RNF13: variants seen among roughly 807,000 people sequenced by gnomAD.
RNF13 encodes ring finger protein 13.
Under a neutral mutation model 37.7 loss-of-function variants are expected in RNF13, and 19 were observed. The observed-to-expected ratio is 0.50, with a 90% CI of 0.35 to 0.74. The LOEUF (loss-of-function observed/expected upper bound fraction) is 0.74, where lower values mean the gene tolerates loss of function less well. RNF13 is among the 30% of genes least tolerant of loss of function. RNF13 has a pLI of 0.01. For missense variants in RNF13, 375 were observed against 453.0 expected (o/e 0.83, Z 1.56); for synonymous variants, 144 against 157.8 (o/e 0.91, Z 0.65).
In RNF13 at chr3:149,827,599, G is replaced by T. The variant is rs189677131; in HGVS notation, c.-17+14246G>T. ...CCATAAAATAAAGATTCCTGTCTTT[G>T]AGGAGCATATGTTTTTGTGGCAAAG... On this transcript the variant is annotated intron_variant, in intron 1 of 9. Transcript: ENST00000392894. 1.5e-3 allele frequency among the ~76,000 whole-genome samples: 233 copies of T among 152,204 alleles called. 1 individual carries two copies. The highest frequency in any genetic ancestry group is 5.3e-3 in the African/African-American group (221 of 41,516).
At chr3:149,919,970 T>G (rs959279596) in intron 7 of RNF13, among the ~76,000 whole-genome samples, 1 of 152,214 alleles carries the variant, frequency 6.6e-6, no homozygotes, top group African/African-American at 2.4e-5. Flanking sequence ...TATTTATGAT[T>G]TGAATTTTTG....
chr3:149,884,307 A>G (rs1370468008), intron 4 of RNF13, among the ~76,000 whole-genome samples: 1 of 151,560 alleles, frequency 6.6e-6, no homozygotes, highest in Non-Finnish European at 1.5e-5. Context: ...GTTGATGAAG[A>G]GTTGCCTTTA....
intron 6 of RNF13, among the ~76,000 whole-genome samples, chr3:149,905,515 T>C (rs1037171152): frequency 6.6e-6 from 1 of 151,994 alleles, no homozygotes; most frequent in Non-Finnish European, 1.5e-5. Flanking sequence ...CTTTTTTTTG[T>C]ATTTTGAAAT....
intron 1 of RNF13, among the ~76,000 whole-genome samples, chr3:149,815,532 G>A (rs1169666736): frequency 6.6e-6 from 1 of 152,168 alleles, no homozygotes; most frequent in Non-Finnish European, 1.5e-5. Context: ...GACATAAAAA[G>A]GGGAAGAAAG....
chr3:149,843,464 C>T (rs766189687), intron 1 of RNF13, among the ~76,000 whole-genome samples: 5 of 152,114 alleles, frequency 3.3e-5, no homozygotes, highest in East Asian at 1.9e-4. Context: ...GAATTAGTTT[C>T]GTAAATAGAG....
intron 8 of RNF13, among the ~76,000 whole-genome samples, chr3:149,924,567 C>A (rs1047057636): frequency 6.6e-6 from 1 of 152,120 alleles, no homozygotes; most frequent in African/African-American, 2.4e-5. Flanking sequence ...GGAATGATAA[C>A]CTGTGTCAGT....
rs777213169 is a variant in RNF13 at position 149,846,046 on chromosome 3, T to C, written c.20T>C (p.Met7Thr). The change falls in exon 2 of 10, where the codon ATG becomes ACG. Residue 7 changes from methionine to threonine, a missense_variant. Transcript: ENST00000392894. MLLSIG[M>T]LMLSATQVYT... ...AACGAGATGCTGCTCTCCATAGGGA[T>C]GCTCATGCTGTCAGCCACACAAGTC... 1.2e-6 allele frequency: 2 copies of C among 1,611,650 alleles called. No homozygotes were observed. The highest frequency in any genetic ancestry group is 1.1e-5 in the South Asian group (1 of 90,976).
At chr3:149,825,144 A>G (rs1461891674) in intron 1 of RNF13, among the ~76,000 whole-genome samples, 1 of 150,474 alleles carries the variant, frequency 6.6e-6, no homozygotes, top group Non-Finnish European at 1.5e-5. Context: ...TTTTTTGTAG[A>G]GACAGAGTCT....
intron 8 of RNF13, among the ~76,000 whole-genome samples, chr3:149,938,573 T>C (rs908737638): frequency 6.6e-6 from 1 of 152,052 alleles, no homozygotes; most frequent in Non-Finnish European, 1.5e-5. Flanking sequence ...TGATGTCTGC[T>C]CTGTCTGAAA....
At chr3:149,889,335 T>C (rs138463086) in intron 4 of RNF13, among the ~76,000 whole-genome samples, 4,469 of 87,420 alleles carry the variant, frequency 0.051, 83 homozygotes, top group African/African-American at 0.065. Context: ...GTCGGAGTCT[T>C]GCTCTGTTGC....
At chr3:149,903,287 C>G (rs1245689154) in intron 6 of RNF13, among the ~76,000 whole-genome samples, 1 of 151,916 alleles carries the variant, frequency 6.6e-6, no homozygotes, top group Non-Finnish European at 1.5e-5. Flanking sequence ...CTTGCTTTTA[C>G]CTCAATATTG....
chr3:149,920,148 C>A (rs111509866), intron 7 of RNF13, among the ~76,000 whole-genome samples: 16 of 151,964 alleles, frequency 1.1e-4, no homozygotes, highest in African/African-American at 3.9e-4. Flanking sequence ...GATACAAATC[C>A]CTTATCTTGT....
intron 8 of RNF13, among the ~76,000 whole-genome samples, chr3:149,945,477 C>T (rs1016267315): frequency 6.6e-6 from 1 of 152,228 alleles, no homozygotes; most frequent in Non-Finnish European, 1.5e-5. Context: ...CCTCTGTAGT[C>T]TCCACCTCTG....
intron 8 of RNF13, among the ~76,000 whole-genome samples, chr3:149,931,303 T>C (rs1430550698): frequency 6.6e-6 from 1 of 152,154 alleles, no homozygotes; most frequent in African/African-American, 2.4e-5. Flanking sequence ...CCTCAAGTGA[T>C]CCTCCCACTT....
chr3:149,960,803 A>G lies in RNF13; in HGVS notation c.845A>G (p.Lys282Arg). The G allele has an allele frequency of 6.2e-7, 1 of 1,614,190 alleles. No homozygotes were observed. Among genetic ancestry groups the G allele is most frequent in the Non-Finnish European group, 8.5e-7 (1 of 1,180,022 alleles). ...TKTKKTCPVCKQKVVPSQGDS... is the reference protein window; with the variant it reads ...TKTKKTCPVCRQKVVPSQGDS... The stretch of plus-strand genomic sequence containing the variant: ...ACCAAAAAAACCTGTCCAGTGTGCA[A>G]GCAAAAAGTTGTTCCTTCTCAAGGC... The change falls in exon 10 of 10, where the codon AAG becomes AGG. Residue 282 changes from lysine (K) to arginine (R), a missense_variant. Physicochemically the swap from Lys to Arg is conservative, Grantham distance 26. Transcript: ENST00000392894.
intron 3 of RNF13, among the ~76,000 whole-genome samples, chr3:149,867,965 G>A (rs77140828): frequency 6.6e-6 from 1 of 151,500 alleles, no homozygotes; most frequent in Non-Finnish European, 1.5e-5. Context: ...TTACTATGAG[G>A]CTTACAAAGC....
intron 1 of RNF13, among the ~76,000 whole-genome samples, chr3:149,829,492 A>G (rs748785303): frequency 1.1e-4 from 17 of 152,314 alleles, no homozygotes; most frequent in Middle Eastern, 3.4e-3. Flanking sequence ...CATTTATTGC[A>G]TAGGTGAAAA....
At chr3:149,835,805 A>G (rs1216903769) in intron 1 of RNF13, among the ~76,000 whole-genome samples, 2 of 150,400 alleles carry the variant, frequency 1.3e-5, no homozygotes, top group East Asian at 2.0e-4. Context: ...TTTTTTTATG[A>G]CTTTTCTCCT....
intron 8 of RNF13, among the ~76,000 whole-genome samples, chr3:149,959,172 G>T (rs1576609415): frequency 1.3e-5 from 2 of 152,302 alleles, no homozygotes; most frequent in Middle Eastern, 3.4e-3. Context: ...TCACAAAAGT[G>T]CTTTCAAGCA....
Sources: gnomAD v4.1 joint callset for allele counts (sites outside exome capture counted in the v4.1 genomes callset) on GRCh38, gnomAD v4.1.1 for gene constraint, MANE v1.5 for transcripts, NCBI Gene and HGNC (gene_info 2026-07-23, HGNC 2026-07-21) for gene names.